IPO4: variants seen among roughly 807,000 people sequenced by gnomAD.
IPO4 encodes importin 4.
A neutral mutation model predicts 133.5 loss-of-function variants in IPO4; 91 were observed. That is an observed-to-expected ratio of 0.68 (90% confidence interval 0.58 to 0.81). The LOEUF is 0.81. Among genes scored for constraint, IPO4 ranks in the 30% least tolerant of loss-of-function variants. IPO4 has a pLI of 0.00. For synonymous variants in IPO4, 607 were observed against 581.6 expected, an observed-to-expected ratio of 1.04 and a Z score of -0.63; for missense variants, 1,279 against 1,386.2, an observed-to-expected ratio of 0.92 and a Z score of 1.23.
At position 24,187,688 on chromosome 14, in the gene IPO4, G is replaced by GCTGTGGGTA. The variant is rs2138820611; in HGVS notation, c.378_386dup (p.Thr127_Ser129dup). ...GTACCTCTCTCTCTGGGCTGTGGGG[G>GCTGTGGGTA]CTGTGGGTACTGTGCTGAAGCAGCT... On this transcript the variant is annotated inframe_insertion, in exon 5 of 30. Coordinates refer to ENST00000354464, the MANE Select transcript of IPO4 (RefSeq NM_024658.4). 6.2e-7 allele frequency: 1 copy of GCTGTGGGTA among 1,614,226 alleles called. No homozygotes were observed. The highest frequency in any genetic ancestry group is 2.2e-5 in the East Asian group (1 of 44,890).
rs753675487 is a variant in IPO4 at position 24,181,989 on chromosome 14, C to G, written c.2773G>C (p.Val925Leu). 1 of 1,612,212 alleles carries G rather than the reference C, an allele frequency of 6.2e-7. No homozygotes were observed. The highest frequency in any genetic ancestry group is 1.3e-5 in the African/African-American group (1 of 74,922). ...GGGTGGCCCCCATGCTCTGCCAGCA[C>G]GCCCATCCCGAAGATGGCATTGCTT... ...VRSNAIFGMG[V>L]LAEHGGHPAQ... Residue 925 changes from valine (V) to leucine (L), a missense_variant, in exon 26 of 30, where the codon GTG (valine) becomes CTG (leucine). This residue lies in a region of IPO4 where 575 missense variants were observed against 653.4 expected (regional missense o/e 0.88). Transcript: ENST00000354464.
chr14:24,182,810 TTCCTCC>T lies in IPO4; in HGVS notation c.2448_2453del (p.Glu819_Glu820del), dbSNP rs778573523. 5 of 1,614,066 alleles carry T rather than the reference TTCCTCC, an allele frequency of 3.1e-6. No homozygotes were observed. The highest frequency in any genetic ancestry group is 3.4e-6 in the Non-Finnish European group (4 of 1,180,014). On this transcript the variant is annotated inframe_deletion, in exon 24 of 30. Coordinates refer to ENST00000354464, the MANE Select transcript of IPO4 (RefSeq NM_024658.4). The stretch of plus-strand genomic sequence containing the variant: ...CTCTCACCTGATCATCATCTTCCTC[TTCCTCC>T]TCCTCGTCAGTATCCTGACAGGCTG...
Position 24,182,281 on chromosome 14 carries a change from C to T in IPO4, c.2595G>A (p.Lys865=). ...AAGCCAGAAGATGGACACTCACTGT[C>T]TTGCACACCAATAATGGCAGGAAAC... is the stretch of plus-strand genomic sequence containing the variant. ...FAGFLPLLVC[K]TKQGCTVAEK... is the part of the protein sequence containing the mutation. The change falls in exon 25 of 30, where the codon AAG becomes AAA. Residue 865 remains lysine (K), a synonymous_variant. Coordinates refer to ENST00000354464, the MANE Select transcript of IPO4 (RefSeq NM_024658.4). The T allele has an allele frequency of 6.2e-7, 1 of 1,614,200 alleles. No individual in the cohort carries two copies. The highest frequency in any genetic ancestry group is 8.5e-7 in the Non-Finnish European group (1 of 1,180,016).
rs1270139187 is a variant in IPO4 at position 24,186,853 on chromosome 14, G to A, written c.756+25C>T. 5.0e-6 allele frequency: 8 copies of A among 1,612,088 alleles called. No individual in the cohort carries two copies. In the Admixed American group the frequency reaches 1.3e-4, roughly 27 times the overall value. On this transcript the variant is annotated intron_variant, in intron 8 of 29. Transcript: ENST00000354464. Reference sequence around the variant, plus strand: ...GAGAGTCCCAGCAGAGCATGTAGCAGGGGCCATGTCCACTCCAGGCTCACC... The same window carrying A: ...GAGAGTCCCAGCAGAGCATGTAGCAAGGGCCATGTCCACTCCAGGCTCACC...
chr14:24,184,490 G>A, intron 16 of IPO4, 72 bp from the exon 17 acceptor site: 1 of 1,539,400 alleles, frequency 6.5e-7, no homozygotes, highest in Non-Finnish European at 8.8e-7. Flanking sequence ...GTGGCTGGGA[G>A]GGATTCAGAA....
chr14:24,188,473 C>G, intron 2 of IPO4, 50 bp from the exon 3 acceptor site: 1 of 1,607,966 alleles, frequency 6.2e-7, no homozygotes, highest in South Asian at 1.1e-5. Context: ...AGGTGCTGAG[C>G]GGACCGCAGT....
chr14:24,180,661 A>G, intron 29 of IPO4, 28 bp downstream of exon 29: 1 of 1,613,838 alleles, frequency 6.2e-7, no homozygotes, highest in South Asian at 1.1e-5. Flanking sequence ...GCCTCCCGCA[A>G]GCCCCTGCCT....
rs41308942 is a variant in IPO4, at chr14:24,188,145, T to C, written c.278+71A>G. ...AGTCCCTGCCCCACAAGTCCCAGCCTGGAGCCGAAAAGGAAGGCAGAAACC... is the reference window on the plus strand; with the variant it reads ...AGTCCCTGCCCCACAAGTCCCAGCCCGGAGCCGAAAAGGAAGGCAGAAACC... On this transcript the variant is annotated intron_variant, in intron 4 of 29. Coordinates refer to ENST00000354464, the MANE Select transcript of IPO4 (RefSeq NM_024658.4). The C allele has an allele frequency of 9.7e-3, 14,607 of 1,505,154 alleles. 77 individuals carry two copies. Among genetic ancestry groups the C allele is most frequent in the Non-Finnish European group, 0.012 (12,747 of 1,095,586 alleles). The allele number at this position is 1,505,154 out of a possible 1,614,324, so 93.2% of individuals were successfully genotyped here.
At chr14:24,188,504 C>A in intron 2 of IPO4, 48 bp downstream of exon 2, 2 of 1,608,028 alleles carry the variant, frequency 1.2e-6, no homozygotes, top group South Asian at 1.1e-5. Context: ...TGGGGCTTGA[C>A]CGGTGGCGTA....
intron 11 of IPO4, 42 bp from the exon 12 acceptor site, chr14:24,186,012 C>T (rs746373960): frequency 1.1e-4 from 173 of 1,600,038 alleles, no homozygotes; most frequent in Non-Finnish European, 1.3e-4. Flanking sequence ...CCAGCAAGAG[C>T]CTGCCCATTC....
At chr14:24,182,428 A>G in intron 24 of IPO4, 25 bp from the exon 25 acceptor site, 3 of 1,598,754 alleles carry the variant, frequency 1.9e-6, no homozygotes, top group Non-Finnish European at 2.6e-6. Context: ...CAGGGGCTGG[A>G]GCACCAGGGC....
At position 24,188,629 on chromosome 14, in the gene IPO4, G is replaced by A; in HGVS notation, c.79C>T (p.Gln27Ter). 1 of 1,611,370 alleles carries A rather than the reference G, an allele frequency of 6.2e-7. No individual in the cohort carries two copies. Residue 27 changes from glutamine (Q) to a stop codon, truncating the protein, a stop_gained, in exon 2 of 30, where the codon CAG becomes TAG. Coordinates refer to ENST00000354464, the MANE Select transcript of IPO4 (RefSeq NM_024658.4). LOFTEE classifies it high-confidence loss of function. ...DTERIRRATE[Q>*]LQIVLRAPAA... ...GGGGCCCGAAGAACGATCTGGAGCT[G>A]TTCCGTGGCCTGGGGGGAAGCTAGG...
intron 24 of IPO4, 121 bp from the exon 25 acceptor site, chr14:24,182,524 C>G: frequency 7.2e-7 from 1 of 1,385,368 alleles, no homozygotes; most frequent in Non-Finnish European, 9.8e-7. Flanking sequence ...TAGGGCTGGC[C>G]CCTCTCAAGC....
At chr14:24,182,476 CA>C in intron 24 of IPO4, 73 bp from the exon 25 acceptor site, 1 of 1,552,304 alleles carries the variant, frequency 6.4e-7, no homozygotes, top group Non-Finnish European at 8.7e-7. Flanking sequence ...CACGCTCTGC[CA>C]CCAGCTGCAG....
At position 24,181,820 on chromosome 14, in the gene IPO4, A is replaced by G; in HGVS notation, c.2831T>C (p.Leu944Pro). The G allele has an allele frequency of 6.3e-7, 1 of 1,596,386 alleles. No homozygotes were observed. The highest frequency in any genetic ancestry group is 1.1e-5 in the South Asian group (1 of 88,714). Residue 944 changes from leucine (L) to proline (P), a missense_variant, in exon 27 of 30, where the codon CTC (leucine) becomes CCC (proline). Physicochemically the swap from Leu to Pro is moderately conservative, Grantham distance 98. Transcript: ENST00000354464. ...CTCCCGCGCCAGGAGGGGAAAAAGG[A>G]GCCCCAGCAGCTTGGGGAAGTGTCT... ...AQEHFPKLLG[L>P]LFPLLARERH...
At chr14:24,187,642 C>T in intron 5 of IPO4, 25 bp downstream of exon 5, 4 of 1,613,680 alleles carry the variant, frequency 2.5e-6, no homozygotes, top group Non-Finnish European at 3.4e-6. Context: ...TCAGGCCCTC[C>T]CTCCTGCCAA....
At chr14:24,186,544 G>A in intron 9 of IPO4, 93 bp from the exon 10 acceptor site, 1 of 1,464,934 alleles carries the variant, frequency 6.8e-7, no homozygotes, top group Non-Finnish European at 9.2e-7. Flanking sequence ...TAAGGGGTCT[G>A]ACAGAAAATT....
intron 11 of IPO4, 58 bp downstream of exon 11, chr14:24,186,071 T>A: frequency 6.2e-7 from 1 of 1,606,464 alleles, no homozygotes; most frequent in Non-Finnish European, 8.5e-7. Flanking sequence ...GTCGTTGGCC[T>A]CAGGGGGACT....
At position 24,187,444 on chromosome 14, in the gene IPO4, G is replaced by T. The variant is rs747440936; in HGVS notation, c.544C>A (p.Arg182Ser). 1 of 1,614,146 alleles carries T rather than the reference G, an allele frequency of 6.2e-7. No homozygotes were observed. The highest frequency in any genetic ancestry group is 2.2e-5 in the East Asian group (1 of 44,882). Residue 182 changes from arginine to serine, a missense_variant, in exon 6 of 30, where the codon CGC becomes AGC. Arg to Ser is a moderately radical substitution (Grantham distance 110). Coordinates refer to ENST00000354464, the MANE Select transcript of IPO4 (RefSeq NM_024658.4). Reference protein sequence around the residue: ...GSPGLLFYSLRTLTTMAPYLS... With the variant: ...GSPGLLFYSLSTLTTMAPYLS... The stretch of plus-strand genomic sequence containing the variant: ...TAGGGAGCCATGGTGGTCAGAGTGC[G>T]CAGGGAGTAGAAGAGCAGCCCAGGA...
Sources: allele counts gnomAD v4.1 joint callset, GRCh38; gene constraint gnomAD v4.1.1; regional missense constraint gnomAD v4.1.1; transcripts MANE v1.5; gene names NCBI Gene and HGNC (gene_info 2026-07-23, HGNC 2026-07-21).